Variants in ARHGAP18 observed in about 807,000 individuals in gnomAD.
ARHGAP18 encodes Rho GTPase activating protein 18.
A neutral mutation model predicts 86.2 loss-of-function variants in ARHGAP18; 67 were observed. That is an observed-to-expected ratio of 0.78 (90% CI 0.64 to 0.95). The LOEUF is 0.95. Ranked by LOEUF, ARHGAP18 falls within the 40% of genes least tolerant of loss-of-function variation. The pLI is 0.00. For synonymous variants in ARHGAP18, 283 were observed against 280.4 expected (o/e 1.01, Z -0.09); for missense variants, 691 against 780.4 (o/e 0.89, Z 1.37).
intron 1 of ARHGAP18, among the ~76,000 whole-genome samples, chr6:129,695,483 G>A (rs1562727621): frequency 6.6e-6 from 1 of 152,190 alleles, no homozygotes; most frequent in Non-Finnish European, 1.5e-5. Context: ...ATAAGAATGG[G>A]CCTTTCATTT....
intron 3 of ARHGAP18, among the ~76,000 whole-genome samples, chr6:129,635,200 T>G (rs562322031): frequency 1.3e-5 from 2 of 152,238 alleles, no homozygotes; most frequent in African/African-American, 4.8e-5. Context: ...ATAATTCTAC[T>G]GTATTTTATC....
chr6:129,701,194 A>AT (rs1774704073), intron 1 of ARHGAP18, among the ~76,000 whole-genome samples: 1 of 152,218 alleles, frequency 6.6e-6, no homozygotes, highest in African/African-American at 2.4e-5. Context: ...CATCTGCATA[A>AT]TTTTTTAACA....
At chr6:129,693,066 T>C (rs1774554225) in intron 1 of ARHGAP18, among the ~76,000 whole-genome samples, 1 of 152,206 alleles carries the variant, frequency 6.6e-6, no homozygotes, top group Non-Finnish European at 1.5e-5. Flanking sequence ...TCTGTCCCCC[T>C]GAAATATATA....
chr6:129,638,140 G>A (rs575730345), intron 3 of ARHGAP18, among the ~76,000 whole-genome samples: 1 of 152,274 alleles, frequency 6.6e-6, no homozygotes, highest in East Asian at 1.9e-4. Flanking sequence ...CACTTGTAAT[G>A]CTCCAAGGAC....
intron 1 of ARHGAP18, among the ~76,000 whole-genome samples, chr6:129,691,889 C>T (rs1037978232): frequency 1.3e-5 from 2 of 152,180 alleles, no homozygotes; most frequent in Non-Finnish European, 2.9e-5. Context: ...CCTGCTCAGC[C>T]CACACTGGCT....
At chr6:129,701,568 G>A (rs149043056) in intron 1 of ARHGAP18, among the ~76,000 whole-genome samples, 1 of 152,164 alleles carries the variant, frequency 6.6e-6, no homozygotes, top group East Asian at 1.9e-4. Context: ...TCAGGAGTTC[G>A]AGAACAGCCT....
At chr6:129,669,229 T>C (rs545254299) in intron 1 of ARHGAP18, among the ~76,000 whole-genome samples, 1 of 151,590 alleles carries the variant, frequency 6.6e-6, no homozygotes, top group Non-Finnish European at 1.5e-5. Flanking sequence ...TGGAGTGCAA[T>C]GGCGAGGTCA....
At chr6:129,629,106 A>G (rs1428367768) in intron 5 of ARHGAP18, among the ~76,000 whole-genome samples, 1 of 152,060 alleles carries the variant, frequency 6.6e-6, no homozygotes, top group African/African-American at 2.4e-5. Context: ...ATCCTGAGCC[A>G]GGTGTGATGG....
intron 12 of ARHGAP18, among the ~76,000 whole-genome samples, chr6:129,591,142 G>A (rs13216180): frequency 6.6e-6 from 1 of 152,070 alleles, no homozygotes. Flanking sequence ...ATGCTGTATC[G>A]AATACTGAAG....
At chr6:129,580,731 C>A (rs1166741149) in intron 13 of ARHGAP18, among the ~76,000 whole-genome samples, 1 of 151,988 alleles carries the variant, frequency 6.6e-6, no homozygotes, top group Non-Finnish European at 1.5e-5. Flanking sequence ...AAAATTTAGC[C>A]GTGCATGGTG....
intron 1 of ARHGAP18, among the ~76,000 whole-genome samples, chr6:129,659,940 G>A (rs1460904537): frequency 2.0e-5 from 3 of 152,120 alleles, no homozygotes; most frequent in African/African-American, 7.2e-5. Context: ...AGGCCTTCAA[G>A]GCATGGCAAC....
intron 13 of ARHGAP18, 35 bp downstream of exon 13, chr6:129,583,953 T>C (rs780150172): frequency 3.1e-6 from 5 of 1,604,786 alleles, no homozygotes; most frequent in South Asian, 2.2e-5. Context: ...AAGTGACTTA[T>C]GCCATGGCAT....
At chr6:129,596,728 T>G (rs1440772144) in intron 12 of ARHGAP18, 2 of 152,086 alleles carry the variant, frequency 1.3e-5, no homozygotes, top group Non-Finnish European at 2.9e-5. Context: ...ATTTAAATGA[T>G]TTGGAGGAGA....
intron 7 of ARHGAP18, among the ~76,000 whole-genome samples, chr6:129,614,579 A>C (rs979959073): frequency 6.6e-6 from 1 of 152,260 alleles, no homozygotes; most frequent in African/African-American, 2.4e-5. Context: ...GATTTTTCTT[A>C]ATAGACTGGA....
intron 7 of ARHGAP18, among the ~76,000 whole-genome samples, chr6:129,612,300 T>C (rs182772513): frequency 5.5e-4 from 84 of 152,346 alleles, no homozygotes; most frequent in African/African-American, 1.9e-3. Flanking sequence ...TAACGTGATC[T>C]TCTTGGAGTA....
chr6:129,652,115 T>C lies in ARHGAP18; in HGVS notation c.114-10097A>G, dbSNP rs369631540. On this transcript the variant is annotated intron_variant, in intron 1 of 14. Coordinates refer to ENST00000368149, the MANE Select transcript of ARHGAP18 (RefSeq NM_033515.3). ...GGCCACCTAGTTGATGGCATTTTGT[T>C]ACAACAGCACAGACAGACTGAGACA... is the stretch of plus-strand genomic sequence containing the variant. Among the ~76,000 whole-genome samples, 6 of 152,342 alleles carry C rather than the reference T, an allele frequency of 3.9e-5. No individual in the cohort carries two copies. In the East Asian group the frequency reaches 7.7e-4, roughly 20 times the overall value.
chr6:129,692,135 C>T (rs1277282893), intron 1 of ARHGAP18, among the ~76,000 whole-genome samples: 1 of 152,240 alleles, frequency 6.6e-6, no homozygotes, highest in Non-Finnish European at 1.5e-5. Context: ...CCCCCTCTTT[C>T]TTTGAATGAC....
At chr6:129,623,006 CAAA>C (rs57274879) in intron 5 of ARHGAP18, among the ~76,000 whole-genome samples, 1 of 39,730 alleles carries the variant, frequency 2.5e-5, no homozygotes, top group African/African-American at 6.2e-5. Flanking sequence ...CATCTCAAAA[CAAA>C]AAAAAAAAAA....
chr6:129,600,431 T>C (rs904172807), intron 11 of ARHGAP18, among the ~76,000 whole-genome samples: 2 of 152,102 alleles, frequency 1.3e-5, no homozygotes, highest in Admixed American at 6.6e-5. Context: ...AATGGGAAAA[T>C]AGGCAGAAGT....
Sources: gnomAD v4.1 joint callset for allele counts (sites outside exome capture counted in the v4.1 genomes callset) on GRCh38, gnomAD v4.1.1 for gene constraint, MANE v1.5 for transcripts, NCBI Gene and HGNC (gene_info 2026-07-23, HGNC 2026-07-21) for gene names.